USP28: variants seen among roughly 807,000 people sequenced by gnomAD.
USP28 encodes ubiquitin specific peptidase 28, also known as ubiquitin carboxyl-terminal hydrolase 28.
USP28 carries 113 observed loss-of-function variants against 145.0 expected under a neutral mutation model. The ratio of observed to expected loss-of-function variants is 0.78; its 90% CI spans 0.67 to 0.91. The LOEUF is 0.91. Among genes scored for constraint, USP28 ranks in the 40% least tolerant of loss-of-function variants. The pLI is 0.00. For missense variants in USP28, 1,201 were observed against 1,289.6 expected, an observed-to-expected ratio of 0.93 and a Z score of 1.05; for synonymous variants, 447 against 450.9, an observed-to-expected ratio of 0.99 and a Z score of 0.11.
exon 1 of USP28, chr11:113,875,450 C>A: frequency 8.0e-7 from 1 of 1,250,176 alleles, no homozygotes; most frequent in Non-Finnish European, 1.0e-6. Context: ...CCCACCGAGC[C>A]GTGGCCGTCT....
chr11:113,873,507 G>A (rs1169802520), intron 1 of USP28, among the ~76,000 whole-genome samples: 4 of 152,150 alleles, frequency 2.6e-5, no homozygotes, highest in African/African-American at 9.7e-5. Flanking sequence ...CTGAAATAGG[G>A]TCACTACTCA....
chr11:113,809,270 GAT>G lies in USP28; in HGVS notation c.1973-18_1973-17del. 2 of 1,611,226 alleles carry G rather than the reference GAT, an allele frequency of 1.2e-6. No homozygotes were observed. Among genetic ancestry groups the G allele is most frequent in the Non-Finnish European group, 1.7e-6 (2 of 1,178,028 alleles). ...GGGGCTGCCTCTGAGGAAAAGCAAA[GAT>G]AGAGTTAAAAGGTCACAAGGAACGA... On this transcript the variant is annotated splice_polypyrimidine_tract_variant and intron_variant, in intron 16 of 24. Coordinates refer to ENST00000003302, the Ensembl canonical transcript of USP28.
chr11:113,823,653 A>T, exon 12 of USP28: 1 of 1,612,494 alleles, frequency 6.2e-7, no homozygotes. Flanking sequence ...CAACTTTCGA[A>T]TACACTCTCT....
At chr11:113,863,945 G>GA (rs200830316) in intron 1 of USP28, among the ~76,000 whole-genome samples, 20 of 115,050 alleles carry the variant, frequency 1.7e-4, no homozygotes, top group Admixed American at 2.8e-4. Flanking sequence ...ACTCCGTCTC[G>GA]AAAAAAAAAA....
At chr11:113,830,050 TC>T (rs780833555) in intron 9 of USP28, among the ~76,000 whole-genome samples, 2 of 152,066 alleles carry the variant, frequency 1.3e-5, no homozygotes, top group Non-Finnish European at 2.9e-5. Context: ...CAGCAAAATT[TC>T]CAACTGTGGG....
chr11:113,846,802 C>A (rs1945903833), intron 3 of USP28, among the ~76,000 whole-genome samples: 1 of 152,088 alleles, frequency 6.6e-6, no homozygotes, highest in Admixed American at 6.5e-5. Flanking sequence ...ACCGGCCTGG[C>A]CAACCAATAT....
chr11:113,818,029 A>C (rs1161551147), intron 12 of USP28, 192 bp from the exon 13 acceptor site: 2 of 483,292 alleles, frequency 4.1e-6, no homozygotes, highest in African/African-American at 3.9e-5. Flanking sequence ...AATTGCCAAC[A>C]ATCTGAAGTT....
Position 113,822,482 on chromosome 11 carries a change from G to C in USP28, c.1283+1123C>G, listed in dbSNP as rs983132855. 7 of 151,606 alleles carry C rather than the reference G, an allele frequency of 4.6e-5. No homozygotes were observed. In the South Asian group the frequency reaches 1.0e-3, roughly 23 times the overall value. The allele number at this position is 151,606 out of a possible 1,614,324, so 9.4% of individuals were successfully genotyped here. On this transcript the variant is annotated intron_variant, in intron 12 of 24. Coordinates refer to ENST00000003302, the Ensembl canonical transcript of USP28. ...ACAGAGAGAGAGAGAGAGAGAGAGAGAGAGAGAGAGAGAGAGAGATGGGGT... is the reference window on the plus strand; with the variant it reads ...ACAGAGAGAGAGAGAGAGAGAGAGACAGAGAGAGAGAGAGAGAGATGGGGT...
At chr11:113,812,242 C>T in intron 16 of USP28, 34 bp downstream of exon 16, 2 of 1,563,592 alleles carry the variant, frequency 1.3e-6, no homozygotes, top group African/African-American at 2.8e-5. Flanking sequence ...TACAGATTTT[C>T]CCCAATCTAT....
exon 23 of USP28, chr11:113,803,164 G>C: frequency 6.2e-7 from 1 of 1,613,594 alleles, no homozygotes; most frequent in Non-Finnish European, 8.5e-7. Flanking sequence ...AAACCAGAAG[G>C]CATTTTCTTC....
chr11:113,812,114 C>T (rs1941078426), intron 16 of USP28, among the ~76,000 whole-genome samples, 162 bp downstream of exon 16: 1 of 152,156 alleles, frequency 6.6e-6, no homozygotes, highest in Non-Finnish European at 1.5e-5. Flanking sequence ...GTAAAGCAAA[C>T]TTGTTTTTCC....
At chr11:113,851,883 C>T (rs1946494662) in intron 3 of USP28, among the ~76,000 whole-genome samples, 1 of 151,646 alleles carries the variant, frequency 6.6e-6, no homozygotes, top group Admixed American at 6.6e-5. Flanking sequence ...GTATTTATCA[C>T]ATTCTAATAT....
intron 8 of USP28, 78 bp from the exon 9 acceptor site, chr11:113,831,021 A>C: frequency 6.7e-7 from 1 of 1,491,164 alleles, no homozygotes; most frequent in Non-Finnish European, 9.3e-7. Flanking sequence ...CATCATTCAA[A>C]AGCAAAAATA....
chr11:113,808,066 G>C (rs1026391843), intron 18 of USP28: 14 of 1,375,966 alleles, frequency 1.0e-5, no homozygotes, highest in Admixed American at 5.7e-5. Flanking sequence ...ATTAGCCTTT[G>C]GGGGCTGTTC....
At chr11:113,848,625 C>T (rs889390268) in intron 3 of USP28, among the ~76,000 whole-genome samples, 1 of 152,240 alleles carries the variant, frequency 6.6e-6, no homozygotes, top group East Asian at 1.9e-4. Flanking sequence ...ATTTTATAGG[C>T]GAGTTGTTAT....
At chr11:113,830,545 A>G (rs1943867510) in intron 9 of USP28, among the ~76,000 whole-genome samples, 1 of 152,200 alleles carries the variant, frequency 6.6e-6, no homozygotes, top group African/African-American at 2.4e-5. Context: ...ACCTTTTGAG[A>G]TTAAGTATTA....
chr11:113,840,825 T>C, intron 4 of USP28, 68 bp from the exon 5 acceptor site: 2 of 1,518,558 alleles, frequency 1.3e-6, no homozygotes, highest in Non-Finnish European at 1.8e-6. Flanking sequence ...ATATGGAGGA[T>C]GCTATAACTT....
At chr11:113,875,552 G>A (rs906864952) in exon 1 of USP28, 14 of 1,121,936 alleles carry the variant, frequency 1.2e-5, no homozygotes, top group Non-Finnish European at 1.5e-5. Flanking sequence ...AGCCGCCGCC[G>A]GCCCAGCCTC....
In USP28 at chr11:113,815,402, T is replaced by C. The variant is rs376539245; in HGVS notation, c.1464-20A>G. ...CTTGTACTGAGGAAGACAAAAATCATGCTCATATGATAATTTCCAAAAGAT... is the reference window on the plus strand; with the variant it reads ...CTTGTACTGAGGAAGACAAAAATCACGCTCATATGATAATTTCCAAAAGAT... On this transcript the variant is annotated intron_variant, in intron 13 of 24. Transcript: ENST00000003302. The C allele has an allele frequency of 3.7e-6, 6 of 1,604,928 alleles. No homozygotes were observed. Among genetic ancestry groups the C allele is most frequent in the Non-Finnish European group, 5.1e-6 (6 of 1,176,476 alleles).
Sources: gnomAD v4.1 joint callset for allele counts (sites outside exome capture counted in the v4.1 genomes callset) on GRCh38, gnomAD v4.1.1 for gene constraint, MANE v1.5 for transcripts, NCBI Gene and HGNC (gene_info 2026-07-23, HGNC 2026-07-21) for gene names.